EDIL3: variants seen among roughly 807,000 people sequenced by gnomAD.
EDIL3 encodes the protein EGF like and discoidin domains 3.
In EDIL3, 37 loss-of-function variants were observed where a neutral mutation model predicts 67.4. The observed-to-expected ratio is 0.55, with a 90% CI of 0.42 to 0.72. EDIL3 has a LOEUF of 0.72. Ranked by LOEUF, EDIL3 falls within the 30% of genes least tolerant of loss-of-function variation. The pLI is 0.00. For missense variants in EDIL3, 527 were observed against 586.3 expected, an observed-to-expected ratio of 0.90 and a Z score of 1.04; for synonymous variants, 195 against 196.3, an observed-to-expected ratio of 0.99 and a Z score of 0.05.
intron 9 of EDIL3, among the ~76,000 whole-genome samples, chr5:84,052,696 G>T (rs374664356): frequency 4.6e-5 from 7 of 152,134 alleles, no homozygotes; most frequent in South Asian, 2.1e-4. Flanking sequence ...CCAACAAAGA[G>T]CAAAAGAGAC....
At chr5:84,060,529 C>T (rs761356968) in intron 8 of EDIL3, 45 bp from the exon 9 acceptor site, 35 of 1,602,052 alleles carry the variant, frequency 2.2e-5, no homozygotes, top group South Asian at 1.8e-4. Flanking sequence ...TAATTGATCA[C>T]CTGGAACTTT....
At chr5:84,063,348 G>A (rs544894509) in intron 8 of EDIL3, among the ~76,000 whole-genome samples, 3 of 152,224 alleles carry the variant, frequency 2.0e-5, no homozygotes, top group Admixed American at 6.5e-5. Context: ...ATAGCAATAA[G>A]TCTGCTAAGA....
At chr5:84,089,152 T>C (rs1316632650) in intron 6 of EDIL3, among the ~76,000 whole-genome samples, 1 of 152,124 alleles carries the variant, frequency 6.6e-6, no homozygotes, top group East Asian at 1.9e-4. Flanking sequence ...TCACTCAACC[T>C]CCCACTCCAC....
At chr5:84,032,926 C>G (rs1257159631) in intron 9 of EDIL3, among the ~76,000 whole-genome samples, 2 of 152,118 alleles carry the variant, frequency 1.3e-5, no homozygotes. Context: ...TCCAACAGTG[C>G]TCAGGGACTT....
intron 9 of EDIL3, among the ~76,000 whole-genome samples, chr5:84,056,710 C>T (rs1374516952): frequency 1.3e-5 from 2 of 151,892 alleles, no homozygotes; most frequent in African/African-American, 2.4e-5. Flanking sequence ...AAAAAAATAG[C>T]AAGAGATTGA....
At chr5:84,360,792 C>T (rs1747581334) in intron 1 of EDIL3, among the ~76,000 whole-genome samples, 1 of 152,186 alleles carries the variant, frequency 6.6e-6, no homozygotes, top group East Asian at 1.9e-4. Flanking sequence ...ACTGAGGAGA[C>T]AGTGGGTGTA....
chr5:84,140,727 A>T (rs1748173966), intron 4 of EDIL3, among the ~76,000 whole-genome samples: 1 of 152,154 alleles, frequency 6.6e-6, no homozygotes. Flanking sequence ...AAACTCAAAA[A>T]CTACTTAAAT....
intron 5 of EDIL3, among the ~76,000 whole-genome samples, chr5:84,123,209 C>A (rs1747810113): frequency 6.6e-6 from 1 of 151,872 alleles, no homozygotes; most frequent in Non-Finnish European, 1.5e-5. Context: ...AACATGAAAC[C>A]AGCATCTGGG....
At chr5:84,285,502 G>A (rs182960320) in intron 1 of EDIL3, among the ~76,000 whole-genome samples, 8 of 152,266 alleles carry the variant, frequency 5.3e-5, no homozygotes, top group South Asian at 4.1e-4. Context: ...TGTCTGGCAC[G>A]TATAATAGCA....
chr5:84,106,675 C>G lies in EDIL3; in HGVS notation c.625G>C (p.Glu209Gln). Residue 209 changes from glutamate to glutamine, a missense_variant, in exon 6 of 11, where the codon GAA becomes CAA. By Grantham distance (29) the Glu-to-Gln change is conservative. Around this residue, in one of 2 missense-constraint regions of EDIL3, gnomAD observed 494 missense variants for 522.5 expected, o/e 0.95. Coordinates refer to ENST00000296591, the MANE Select transcript of EDIL3 (RefSeq NM_005711.5). ...KGLINAWTAAENDRWPWIQIN... is the reference protein window; with the variant it reads ...KGLINAWTAAQNDRWPWIQIN... ...TGAATCCACGGCCATCTGTCATTTT[C>G]TGCAGCTGTCCACGCATTTATAAGC... The G allele has an allele frequency of 6.2e-7, 1 of 1,607,782 alleles. No individual in the cohort carries two copies. The highest frequency in any genetic ancestry group is 8.5e-7 in the Non-Finnish European group (1 of 1,177,856).
chr5:83,959,307 G>A (rs1454377325), intron 10 of EDIL3, among the ~76,000 whole-genome samples: 1 of 149,980 alleles, frequency 6.7e-6, no homozygotes, highest in Non-Finnish European at 1.5e-5. Context: ...AAAGGCCATT[G>A]ATACATTTTT....
chr5:84,125,594 T>C (rs902883230), intron 5 of EDIL3, among the ~76,000 whole-genome samples: 4 of 151,982 alleles, frequency 2.6e-5, no homozygotes, highest in African/African-American at 9.7e-5. Context: ...TGGCAGTACC[T>C]TGATGATTTG....
intron 9 of EDIL3, among the ~76,000 whole-genome samples, chr5:83,999,404 C>T (rs1745285934): frequency 6.6e-6 from 1 of 152,010 alleles, no homozygotes; most frequent in South Asian, 2.1e-4. Context: ...TTCAAGATAA[C>T]ATGAAGAAGG....
intron 1 of EDIL3, among the ~76,000 whole-genome samples, chr5:84,357,879 C>T (rs915373073): frequency 8.0e-6 from 1 of 125,176 alleles, no homozygotes; most frequent in Non-Finnish European, 1.6e-5. Context: ...TGGAGTGAGA[C>T]TCAGTCTCAA....
intron 8 of EDIL3, 128 bp from the exon 9 acceptor site, chr5:84,060,612 A>G (rs1225642868): frequency 1.0e-6 from 1 of 982,142 alleles, no homozygotes; most frequent in Non-Finnish European, 1.4e-6. Context: ...GAAAACATCT[A>G]AATCCAAAAA....
At chr5:84,133,420 T>G (rs1483942062) in intron 5 of EDIL3, among the ~76,000 whole-genome samples, 2 of 144,858 alleles carry the variant, frequency 1.4e-5, no homozygotes, top group African/African-American at 5.2e-5. Context: ...GTCAGGAGTT[T>G]GAGACCAGAC....
At chr5:84,011,065 T>C (rs986381827) in intron 9 of EDIL3, among the ~76,000 whole-genome samples, 6 of 152,190 alleles carry the variant, frequency 3.9e-5, no homozygotes, top group Admixed American at 6.6e-5. Flanking sequence ...GTGAGAACTT[T>C]TAAAGCTAAA....
At chr5:84,094,009 T>C (rs1442016814) in intron 6 of EDIL3, among the ~76,000 whole-genome samples, 1 of 152,182 alleles carries the variant, frequency 6.6e-6, no homozygotes, top group Non-Finnish European at 1.5e-5. Context: ...GTTCATCATG[T>C]ATTCCAAAGA....
chr5:84,066,069 C>A (rs565301192), intron 7 of EDIL3, among the ~76,000 whole-genome samples: 1 of 148,908 alleles, frequency 6.7e-6, no homozygotes, highest in Non-Finnish European at 1.5e-5. Flanking sequence ...GAGCCGAGAT[C>A]GCGCCACTGC....
Sources: gnomAD v4.1 joint callset for allele counts (sites outside exome capture counted in the v4.1 genomes callset) on GRCh38, gnomAD v4.1.1 for gene constraint, gnomAD v4.1.1 regional missense constraint, MANE v1.5 for transcripts, NCBI Gene and HGNC (gene_info 2026-07-23, HGNC 2026-07-21) for gene names.